The following GLMN variants were observed in gnomAD, a reference collection of about 807,000 sequenced individuals.
The protein encoded by GLMN is glomulin.
A neutral mutation model predicts 87.8 loss-of-function variants in GLMN; 75 were observed. The observed-to-expected ratio is 0.85, with a 90% CI of 0.71 to 1.04. The LOEUF (loss-of-function observed/expected upper bound fraction) is 1.04, where lower values mean the gene tolerates loss of function less well. GLMN is among the 50% of genes least tolerant of loss of function. The pLI is 0.00. For synonymous variants in GLMN, 206 were observed against 221.6 expected, an observed-to-expected ratio of 0.93 and a Z score of 0.63; for missense variants, 588 against 658.8, an observed-to-expected ratio of 0.89 and a Z score of 1.18.
At chr1:92,331,846 T>G in the GLMN span, among the ~76,000 whole-genome samples, 1 of 152,164 alleles carries the variant, frequency 6.6e-6, no homozygotes, top group Admixed American at 6.5e-5. Flanking sequence ...TTTCTCAGTT[T>G]TTCTTTGTCA....
chr1:92,295,377 C>T (rs963130823), intron 3 of GLMN, among the ~76,000 whole-genome samples: 1 of 149,830 alleles, frequency 6.7e-6, no homozygotes, highest in South Asian at 2.1e-4. Context: ...TAAAGTCTCA[C>T]AGATATGTGT....
the GLMN span, chr1:92,324,235 T>G: frequency 6.2e-7 from 1 of 1,614,060 alleles, no homozygotes; most frequent in Non-Finnish European, 8.5e-7. Context: ...TTTTAGGGGC[T>G]CAGGTACAGC....
the GLMN span, among the ~76,000 whole-genome samples, chr1:92,357,872 T>C: frequency 6.6e-6 from 1 of 152,202 alleles, no homozygotes; most frequent in African/African-American, 2.4e-5. Context: ...CTTAATTCAG[T>C]GGGTAATGAA....
At chr1:92,304,074 T>C in the GLMN span, 1 of 1,595,642 alleles carries the variant, frequency 6.3e-7, no homozygotes, top group Non-Finnish European at 8.5e-7. Context: ...AAGCTGGGAA[T>C]TGTAAGTAAC....
chr1:92,347,750 C>G, the GLMN span, among the ~76,000 whole-genome samples: 2 of 152,124 alleles, frequency 1.3e-5, no homozygotes, highest in South Asian at 4.1e-4. Context: ...CTTTGCTAGT[C>G]CTTTTAGGCA....
chr1:92,290,827 C>T (rs545899626), intron 4 of GLMN, among the ~76,000 whole-genome samples: 284 of 152,298 alleles, frequency 1.9e-3, no homozygotes, highest in African/African-American at 6.4e-3. Flanking sequence ...GATCACTAAA[C>T]AGTTTCTTAT....
the GLMN span, among the ~76,000 whole-genome samples, chr1:92,354,401 T>A: frequency 6.6e-6 from 1 of 152,222 alleles, no homozygotes; most frequent in Non-Finnish European, 1.5e-5. Flanking sequence ...AGCATTCATC[T>A]GCCAAGCTGT....
Position 92,267,577 on chromosome 1 carries a change from G to A in GLMN, c.1098+336C>T, listed in dbSNP as rs369802203. ...ATATTAGCTGGGTGTGGTGGCGGGC[G>A]CCTGTAGTCCCAGCTACTCGGGAGG... On this transcript the variant is annotated intron_variant, in intron 11 of 18. Transcript: ENST00000370360. Among the ~76,000 whole-genome samples, 54 of 151,828 alleles carry A rather than the reference G, an allele frequency of 3.6e-4. No individual in the cohort carries two copies. The South Asian group carries it at 9.8e-3, about 28-fold the overall frequency.
the GLMN span, among the ~76,000 whole-genome samples, chr1:92,350,350 T>C: frequency 1.5e-3 from 229 of 152,278 alleles, no homozygotes; most frequent in African/African-American, 5.2e-3. Context: ...AGAACATATA[T>C]AACAGTGATA....
At chr1:92,367,889 C>T in the GLMN span, among the ~76,000 whole-genome samples, 3 of 152,190 alleles carry the variant, frequency 2.0e-5, no homozygotes, top group African/African-American at 4.8e-5. Context: ...AAATTATGAA[C>T]GCTCAGGAAA....
upstream of GLMN, among the ~76,000 whole-genome samples, chr1:92,301,949 A>G (rs1188137510): frequency 1.3e-5 from 2 of 152,222 alleles, no homozygotes; most frequent in African/African-American, 4.8e-5. Context: ...TTAAAACATC[A>G]CATACTACCC....
chr1:92,286,440 A>G (rs759901548), intron 7 of GLMN, 50 bp downstream of exon 7: 7 of 884,326 alleles, frequency 7.9e-6, no homozygotes, highest in Non-Finnish European at 1.4e-5. Context: ...TACTGAGAAT[A>G]TAGTGGGATA....
At chr1:92,307,108 A>G in the GLMN span, 1 of 949,072 alleles carries the variant, frequency 1.1e-6, no homozygotes, top group Non-Finnish European at 1.6e-6. Context: ...TGAACGATAC[A>G]TTTATGTTTT....
chr1:92,276,130 G>A (rs1391095362), intron 7 of GLMN, among the ~76,000 whole-genome samples: 1 of 152,078 alleles, frequency 6.6e-6, no homozygotes, highest in Admixed American at 6.5e-5. Flanking sequence ...GGAGGCTGAG[G>A]TGGAAGGATC....
the GLMN span, among the ~76,000 whole-genome samples, chr1:92,355,200 C>A: frequency 7.9e-5 from 12 of 151,996 alleles, no homozygotes; most frequent in Middle Eastern, 3.4e-3. Context: ...ATTATTCTAC[C>A]CCATAGACTA....
At chr1:92,296,626 C>T (rs1000392678) in intron 3 of GLMN, among the ~76,000 whole-genome samples, 3 of 152,114 alleles carry the variant, frequency 2.0e-5, no homozygotes, top group Non-Finnish European at 1.5e-5. Flanking sequence ...AAACCATAGC[C>T]GTCTTCCTTA....
the GLMN span, chr1:92,307,274 G>A: frequency 6.2e-7 from 1 of 1,600,804 alleles, no homozygotes; most frequent in Non-Finnish European, 8.5e-7. Flanking sequence ...GAGAAGAAGA[G>A]AGGTAATTTA....
chr1:92,346,667 AAAATCTGACAG>A, the GLMN span, among the ~76,000 whole-genome samples: 1 of 152,216 alleles, frequency 6.6e-6, no homozygotes, highest in African/African-American at 2.4e-5. Context: ...GTACATTTTT[AAAATCTGACAG>A]GTTTAAAGGA....
chr1:92,345,834 T>C, the GLMN span: 8 of 1,496,650 alleles, frequency 5.3e-6, no homozygotes, highest in Non-Finnish European at 7.4e-6. Context: ...ATAAATTTTA[T>C]CTATCTTTCA....
Sources: gnomAD v4.1 joint callset for allele counts (sites outside exome capture counted in the v4.1 genomes callset) on GRCh38, gnomAD v4.1.1 for gene constraint, MANE v1.5 for transcripts, NCBI Gene and HGNC (gene_info 2026-07-23, HGNC 2026-07-21) for gene names.